Variants in EXOC4 observed in about 807,000 individuals in gnomAD.
The protein encoded by EXOC4 is SEC8-like 1.
A neutral mutation model predicts 107.2 loss-of-function variants in EXOC4; 71 were observed. The ratio of observed to expected loss-of-function variants is 0.66; its 90% CI spans 0.55 to 0.81. The LOEUF (loss-of-function observed/expected upper bound fraction) is 0.81. EXOC4 is among the 30% of genes least tolerant of loss of function. The pLI, the probability that EXOC4 is intolerant of heterozygous loss-of-function variation, is 0.00. For synonymous variants in EXOC4, 456 were observed against 441.2 expected (o/e 1.03, Z -0.42); for missense variants, 1,108 against 1,189.6 (o/e 0.93, Z 1.01).
At chr7:133,789,868 T>G (rs2151183367) in intron 10 of EXOC4, among the ~76,000 whole-genome samples, 1 of 150,072 alleles carries the variant, frequency 6.7e-6, no homozygotes, top group East Asian at 1.9e-4. Flanking sequence ...TATACTGACT[T>G]ACTTTCTAAC....
At chr7:133,737,909 C>CTTTTTTTTTTTTTTTTTTTT (rs10673346) in intron 10 of EXOC4, among the ~76,000 whole-genome samples, 142 of 89,282 alleles carry the variant, frequency 1.6e-3, no homozygotes, top group Non-Finnish European at 2.0e-3. Flanking sequence ...ATTTTTCTTT[C>CTTTTTTTTTTTTTTTTTTTT]TTTTTTTTTT....
chr7:133,727,782 A>G (rs1562972959), intron 10 of EXOC4: 3 of 152,312 alleles, frequency 2.0e-5, no homozygotes, highest in African/African-American at 2.4e-5. Context: ...AAATAATTTA[A>G]TAAACAAGTG....
At chr7:133,677,982 C>G (rs940907261) in intron 10 of EXOC4, among the ~76,000 whole-genome samples, 1 of 152,146 alleles carries the variant, frequency 6.6e-6, no homozygotes, top group East Asian at 1.9e-4. Context: ...CTAAAACTTG[C>G]AATTTTTAAT....
intron 12 of EXOC4, among the ~76,000 whole-genome samples, chr7:133,902,575 C>T (rs13233690): frequency 0.47 from 71,079 of 151,884 alleles, 17,958 homozygotes; most frequent in African/African-American, 0.66. Flanking sequence ...ATTTTAGGGC[C>T]GGGCGCAGTG....
downstream of EXOC4, among the ~76,000 whole-genome samples, chr7:134,069,207 TCTTCTTCTTCTTCTC>T (rs1373989450): frequency 7.1e-3 from 681 of 95,960 alleles, 8 homozygotes; most frequent in African/African-American, 0.034. Flanking sequence ...CTTTACCAGT[TCTTCTTCTTCTTCTC>T]CTTCTTCTTC....
At chr7:133,396,954 A>C (rs1796981874) in intron 7 of EXOC4, among the ~76,000 whole-genome samples, 1 of 152,152 alleles carries the variant, frequency 6.6e-6, no homozygotes, top group Non-Finnish European at 1.5e-5. Flanking sequence ...TTCATTTGCA[A>C]ACCTGAAGTA....
At chr7:133,461,606 C>T (rs908365718) in intron 7 of EXOC4, among the ~76,000 whole-genome samples, 1 of 152,138 alleles carries the variant, frequency 6.6e-6, no homozygotes, top group African/African-American at 2.4e-5. Context: ...TTCCAAGATG[C>T]ATTAACTCTT....
At chr7:133,686,669 A>G (rs1297066487) in intron 10 of EXOC4, among the ~76,000 whole-genome samples, 1 of 152,176 alleles carries the variant, frequency 6.6e-6, no homozygotes, top group Non-Finnish European at 1.5e-5. Flanking sequence ...ACAATGCGAT[A>G]CCACCTTACA....
chr7:133,932,911 GGAGAGAGAGA>G (rs10561566), intron 13 of EXOC4, among the ~76,000 whole-genome samples: 1 of 149,294 alleles, frequency 6.7e-6, no homozygotes, highest in Non-Finnish European at 1.5e-5. Flanking sequence ...AATAGGACCA[GGAGAGAGAGA>G]GAGAGAGAGA....
chr7:133,405,511 A>ATG (rs1429400581), intron 7 of EXOC4, among the ~76,000 whole-genome samples: 2 of 152,116 alleles, frequency 1.3e-5, no homozygotes, highest in Non-Finnish European at 2.9e-5. Flanking sequence ...TTGGTAGCAA[A>ATG]TGTACCACAT....
intron 11 of EXOC4, among the ~76,000 whole-genome samples, chr7:133,857,547 C>A (rs968735708): frequency 6.7e-6 from 1 of 149,366 alleles, no homozygotes; most frequent in Non-Finnish European, 1.5e-5. Flanking sequence ...TGCTACAGAC[C>A]CAGACCCATG....
chr7:134,079,999 TGCTATTAATA>T, the EXOC4 span, among the ~76,000 whole-genome samples: 1 of 152,206 alleles, frequency 6.6e-6, no homozygotes, highest in South Asian at 2.1e-4. Context: ...ATCCAGCTTA[TGCTATTAATA>T]GCTGGGGCCA....
intron 11 of EXOC4, among the ~76,000 whole-genome samples, chr7:133,875,655 C>T (rs1479115327): frequency 2.0e-5 from 3 of 152,128 alleles, no homozygotes; most frequent in African/African-American, 7.2e-5. Context: ...TGCTGAGTTA[C>T]TTCACACCTT....
chr7:134,044,957 A>G (rs1795612581), intron 17 of EXOC4, among the ~76,000 whole-genome samples: 2 of 152,214 alleles, frequency 1.3e-5, no homozygotes, highest in Non-Finnish European at 2.9e-5. Flanking sequence ...GTGTATTGCT[A>G]TGTAGTCAAA....
intron 14 of EXOC4, among the ~76,000 whole-genome samples, chr7:133,994,361 G>A (rs1452331942): frequency 6.6e-6 from 1 of 152,084 alleles, no homozygotes; most frequent in Non-Finnish European, 1.5e-5. Flanking sequence ...GGGGAGGAGG[G>A]CAAGGGGAGG....
At chr7:133,357,254 A>G (rs933018850) in intron 6 of EXOC4, among the ~76,000 whole-genome samples, 1 of 152,214 alleles carries the variant, frequency 6.6e-6, no homozygotes, top group African/African-American at 2.4e-5. Flanking sequence ...AATTATCACT[A>G]CAACTGTATG....
intron 5 of EXOC4, among the ~76,000 whole-genome samples, chr7:133,326,240 C>T (rs887430778): frequency 2.6e-5 from 4 of 152,172 alleles, no homozygotes; most frequent in African/African-American, 7.2e-5. Context: ...AGCTTTGTTC[C>T]GTTGCTGGCG....
intron 17 of EXOC4, among the ~76,000 whole-genome samples, chr7:134,009,705 A>G (rs945373098): frequency 1.3e-5 from 2 of 152,242 alleles, no homozygotes; most frequent in African/African-American, 2.4e-5. Flanking sequence ...AGTTAAGAAC[A>G]TAGAAGCCTG....
intron 14 of EXOC4, among the ~76,000 whole-genome samples, chr7:133,942,008 T>C (rs980110713): frequency 3.9e-5 from 6 of 152,076 alleles, no homozygotes; most frequent in African/African-American, 1.5e-4. Flanking sequence ...CAGAACAATA[T>C]ATGACCTACA....
Sources: allele counts gnomAD v4.1 joint callset (sites outside exome capture counted in the v4.1 genomes callset), GRCh38; gene constraint gnomAD v4.1.1; transcripts MANE v1.5; gene names NCBI Gene and HGNC (gene_info 2026-07-23, HGNC 2026-07-21).